NRG4: variants seen among roughly 807,000 people sequenced by gnomAD.
NRG4 encodes the protein neuregulin 4, also known as pro-neuregulin-4, membrane-bound isoform.
Under a neutral mutation model 15.0 loss-of-function variants are expected in NRG4, and 10 were observed. The observed-to-expected ratio is 0.67, with a 90% confidence interval of 0.41 to 1.13. The LOEUF (loss-of-function observed/expected upper bound fraction) is 1.13. NRG4 is among the 50% of genes most tolerant of loss of function. NRG4 has a pLI of 0.00. For missense variants in NRG4, 139 were observed against 140.2 expected, an observed-to-expected ratio of 0.99 and a Z score of 0.04; for synonymous variants, 41 against 50.1, an observed-to-expected ratio of 0.82 and a Z score of 0.77.
intron 5 of NRG4, among the ~76,000 whole-genome samples, chr15:75,953,966 C>G (rs12915012): frequency 6.6e-6 from 1 of 152,014 alleles, no homozygotes; most frequent in Middle Eastern, 3.2e-3. Context: ...GGATTACAGG[C>G]GTGAGCCAGA....
At chr15:75,981,322 T>A (rs565486567) in intron 3 of NRG4, among the ~76,000 whole-genome samples, 26 of 152,282 alleles carry the variant, frequency 1.7e-4, no homozygotes, top group African/African-American at 5.8e-4. Context: ...AATACCCAGC[T>A]GAACACAGCT....
At chr15:76,012,603 C>A (rs75959420), upstream of NRG4, among the ~76,000 whole-genome samples, 9 of 152,174 alleles carry the variant, frequency 5.9e-5, no homozygotes, top group East Asian at 1.5e-3. Context: ...TTACTGTCCA[C>A]GTTTTAAAGG....
intron 5 of NRG4, among the ~76,000 whole-genome samples, chr15:75,944,162 A>G (rs1453983089): frequency 6.6e-6 from 1 of 152,136 alleles, no homozygotes; most frequent in African/African-American, 2.4e-5. Context: ...TGAGACTAAC[A>G]CCCATATCTG....
intron 3 of NRG4, among the ~76,000 whole-genome samples, chr15:75,993,520 T>C (rs1181595249): frequency 1.3e-5 from 2 of 150,614 alleles, no homozygotes; most frequent in African/African-American, 4.9e-5. Context: ...GCCAGCATGG[T>C]GAAACCTCGA....
intron 5 of NRG4, among the ~76,000 whole-genome samples, chr15:76,034,132 T>A (rs1245627149): frequency 6.6e-6 from 1 of 152,214 alleles, no homozygotes; most frequent in Admixed American, 6.5e-5. Context: ...TGATTTTCTA[T>A]CTGCTATATC....
intron 4 of NRG4, chr15:75,959,210 A>C: frequency 3.6e-6 from 1 of 275,434 alleles, no homozygotes; most frequent in South Asian, 3.2e-5. Context: ...CTGGTCTTAA[A>C]CTCCTGGTCT....
chr15:75,998,366 G>A (rs1030132434), intron 3 of NRG4, among the ~76,000 whole-genome samples: 2 of 152,178 alleles, frequency 1.3e-5, no homozygotes, highest in African/African-American at 4.8e-5. Context: ...TGGTCTAGGA[G>A]GCATCATTGA....
chr15:75,969,195 G>T (rs1268508232), intron 3 of NRG4: 4 of 456,052 alleles, frequency 8.8e-6, no homozygotes. Flanking sequence ...CTTGGAATAA[G>T]ACAAAGAGAA....
upstream of NRG4, among the ~76,000 whole-genome samples, chr15:76,015,022 A>G (rs533863280): frequency 3.2e-4 from 49 of 152,262 alleles, no homozygotes; most frequent in African/African-American, 1.2e-3. Context: ...TATTTCCCTG[A>G]GCAGTGGTTT....
At chr15:76,050,666 G>T (rs1026447007) in intron 4 of NRG4, among the ~76,000 whole-genome samples, 5 of 129,028 alleles carry the variant, frequency 3.9e-5, no homozygotes, top group African/African-American at 6.2e-5. Flanking sequence ...GGCTGGTCTT[G>T]AACTCCTGAC....
intron 4 of NRG4, among the ~76,000 whole-genome samples, chr15:76,047,636 G>C (rs2035904116): frequency 6.7e-6 from 1 of 150,234 alleles, no homozygotes; most frequent in South Asian, 2.1e-4. Context: ...GAGAGGGAAG[G>C]ATAAAGGGTG....
chr15:75,942,808 C>G lies in NRG4; in HGVS notation c.*830G>C, dbSNP rs2031137213. On this transcript the variant is annotated 3_prime_UTR_variant, in exon 6 of 6. Coordinates refer to ENST00000394907, the MANE Select transcript of NRG4 (RefSeq NM_138573.4). The stretch of plus-strand genomic sequence containing the variant: ...TTATTTTCATACTTCCTTAAAGTTA[C>G]TATTGCTTTTTTTTCCCCCATGTAA... 6.6e-6 allele frequency: 1 copy of G among 152,156 alleles called. No homozygotes were observed. Among genetic ancestry groups the G allele is most frequent in the Non-Finnish European group, 1.5e-5 (1 of 68,046 alleles). The allele number at this position is 152,156 out of a possible 1,614,324, so 9.4% of individuals were successfully genotyped here.
downstream of NRG4, chr15:75,940,330 C>T (rs975489322): frequency 6.6e-6 from 1 of 151,074 alleles, no homozygotes; most frequent in African/African-American, 2.5e-5. Context: ...AACATTGCTT[C>T]AATAAAGATA....
At chr15:76,057,877 G>C (rs898229012) in intron 1 of NRG4, among the ~76,000 whole-genome samples, 1 of 150,652 alleles carries the variant, frequency 6.6e-6, no homozygotes, top group African/African-American at 2.4e-5. Flanking sequence ...ACTATAAATA[G>C]CCATTGTAGA....
intron 3 of NRG4, among the ~76,000 whole-genome samples, chr15:75,981,268 G>C (rs1169109757): frequency 6.6e-6 from 1 of 152,046 alleles, no homozygotes; most frequent in African/African-American, 2.4e-5. Context: ...CTATCCTCTG[G>C]GGAGAGAGAC....
intron 2 of NRG4, among the ~76,000 whole-genome samples, chr15:76,055,222 A>T (rs1242260854): frequency 6.6e-6 from 1 of 152,188 alleles, no homozygotes; most frequent in African/African-American, 2.4e-5. Context: ...GGCGGAGGCT[A>T]CAGTGAGCCC....
downstream of NRG4, chr15:75,938,715 A>G (rs1361590624): frequency 2.0e-5 from 3 of 152,204 alleles, no homozygotes; most frequent in Non-Finnish European, 4.4e-5. Context: ...AAGCAGAAAC[A>G]ACAAATCAAG....
intron 5 of NRG4, among the ~76,000 whole-genome samples, chr15:75,953,214 T>C (rs1276953604): frequency 6.6e-6 from 1 of 152,232 alleles, no homozygotes; most frequent in Admixed American, 6.5e-5. Context: ...TGTAGGGGTT[T>C]AAATCCATTC....
chr15:75,961,757 A>G (rs868106975), intron 4 of NRG4, 71 bp downstream of exon 4: 2 of 1,042,288 alleles, frequency 1.9e-6, no homozygotes, highest in Middle Eastern at 4.2e-4. Flanking sequence ...AACTAAGGGC[A>G]TATTAATTAT....
Sources: gnomAD v4.1 joint callset for allele counts (sites outside exome capture counted in the v4.1 genomes callset) on GRCh38, gnomAD v4.1.1 for gene constraint, MANE v1.5 for transcripts, NCBI Gene and HGNC (gene_info 2026-07-23, HGNC 2026-07-21) for gene names.